The following ADGRL3 variants were observed in gnomAD, a reference collection of about 807,000 sequenced individuals.
ADGRL3 encodes calcium-independent alpha-latrotoxin receptor 3.
Under a neutral mutation model 153.5 loss-of-function variants are expected in ADGRL3, and 62 were observed. That is an observed-to-expected ratio of 0.40 (90% confidence interval 0.33 to 0.50). The LOEUF is 0.50. Ranked by LOEUF, ADGRL3 falls within the 20% of genes least tolerant of loss-of-function variation. The pLI, the probability that ADGRL3 is intolerant of heterozygous loss-of-function variation, is 0.47. For synonymous variants in ADGRL3, 710 were observed against 672.5 expected, an observed-to-expected ratio of 1.06 and a Z score of -0.86; for missense variants, 1,641 against 1,859.4, an observed-to-expected ratio of 0.88 and a Z score of 2.16.
At chr4:61,619,142 G>C (rs1422573740) in intron 5 of ADGRL3, among the ~76,000 whole-genome samples, 3 of 152,154 alleles carry the variant, frequency 2.0e-5, no homozygotes, top group Non-Finnish European at 4.4e-5. Context: ...ATTTTTAAGA[G>C]AGTAGCTGCA....
At chr4:61,429,569 A>G (rs1226565960) in intron 2 of ADGRL3, among the ~76,000 whole-genome samples, 2 of 152,140 alleles carry the variant, frequency 1.3e-5, no homozygotes, top group Non-Finnish European at 2.9e-5. Context: ...GAAAATGATT[A>G]TAGAGTTTTA....
rs186133072 is a variant in ADGRL3 at position 61,234,380 on chromosome 4, C to T, written c.-240+32615C>T. On this transcript the variant is annotated intron_variant, in intron 1 of 26. Coordinates refer to ENST00000683033, the MANE Select transcript of ADGRL3 (RefSeq NM_001387552.1). ...ATCACGAGAATAGCATAGGAAAGAC[C>T]GGCCCCCAGGATTCAATTACCACCC... Among the ~76,000 whole-genome samples the T allele has an allele frequency of 8.5e-4, 129 of 152,208 alleles. 1 individual carries two copies. The highest frequency in any genetic ancestry group is 2.5e-3 in the South Asian group (12 of 4,822).
At chr4:61,438,374 T>G (rs1251294794) in intron 2 of ADGRL3, among the ~76,000 whole-genome samples, 1 of 151,206 alleles carries the variant, frequency 6.6e-6, no homozygotes, top group Non-Finnish European at 1.5e-5. Flanking sequence ...TATTTAATAT[T>G]ATTATACTTT....
rs1185578410 is a variant in ADGRL3 at position 61,971,686 on chromosome 4, CT to C, written c.2806-7876del. ...GGGTATATACCCAGTAATGGGATGG[CT>C]GTGTCAAATGGTATTTCTAGTTCTA... On this transcript the variant is annotated intron_variant, in intron 17 of 26. Transcript: ENST00000683033. Among the ~76,000 whole-genome samples, 7 of 152,264 alleles carry C rather than the reference CT, an allele frequency of 4.6e-5. No individual in the cohort carries two copies. In the South Asian group the frequency reaches 1.5e-3, roughly 32 times the overall value.
At chr4:61,846,185 T>G (rs927492815) in intron 9 of ADGRL3, among the ~76,000 whole-genome samples, 1 of 151,844 alleles carries the variant, frequency 6.6e-6, no homozygotes, top group African/African-American at 2.4e-5. Context: ...AGTATGGAGA[T>G]GCACACTTGT....
intron 8 of ADGRL3, among the ~76,000 whole-genome samples, chr4:61,795,885 C>G (rs548327233): frequency 6.6e-6 from 1 of 152,232 alleles, no homozygotes; most frequent in Admixed American, 6.5e-5. Context: ...CTCTGTCGCC[C>G]AGGTTGGAGT....
At chr4:61,978,338 TA>T (rs11297140) in intron 17 of ADGRL3, among the ~76,000 whole-genome samples, 129,398 of 149,478 alleles carry the variant, frequency 0.87, 56,474 homozygotes, top group Non-Finnish European at 0.94. Flanking sequence ...GCTTGCTTTT[TA>T]AAAAAAAAAT....
intron 6 of ADGRL3, among the ~76,000 whole-genome samples, chr4:61,686,644 A>T (rs868689829): frequency 6.6e-6 from 1 of 152,226 alleles, no homozygotes; most frequent in Middle Eastern, 3.4e-3. Flanking sequence ...TGGTAAGAAC[A>T]TTCAAAATAC....
At chr4:61,642,020 C>T (rs1180332706) in intron 5 of ADGRL3, among the ~76,000 whole-genome samples, 2 of 150,656 alleles carry the variant, frequency 1.3e-5, no homozygotes, top group Admixed American at 6.6e-5. Flanking sequence ...TTTTGATTTG[C>T]ATTTCTCTGA....
intron 5 of ADGRL3, among the ~76,000 whole-genome samples, chr4:61,650,364 T>C (rs931428263): frequency 6.6e-6 from 1 of 152,122 alleles, no homozygotes; most frequent in Admixed American, 6.6e-5. Flanking sequence ...CTAAGTAACA[T>C]GAGAAGCAAT....
At chr4:61,479,220 C>A (rs2098103867) in intron 2 of ADGRL3, among the ~76,000 whole-genome samples, 1 of 151,930 alleles carries the variant, frequency 6.6e-6, no homozygotes, top group South Asian at 2.1e-4. Flanking sequence ...TCTAAGTTTT[C>A]CTTATATAAT....
chr4:61,971,106 A>G (rs1180021232), intron 17 of ADGRL3, among the ~76,000 whole-genome samples: 1 of 151,984 alleles, frequency 6.6e-6, no homozygotes, highest in Non-Finnish European at 1.5e-5. Context: ...AGAATACAAT[A>G]TGTTGAAGAG....
Position 61,681,528 on chromosome 4 carries a change from T to A in ADGRL3, c.583+4593T>A, listed in dbSNP as rs1235048154. Among the ~76,000 whole-genome samples, 8 of 152,102 alleles carry A rather than the reference T, an allele frequency of 5.3e-5. No homozygotes were observed. In the East Asian group the frequency reaches 1.5e-3, roughly 29 times the overall value. On this transcript the variant is annotated intron_variant, in intron 6 of 26. Transcript: ENST00000683033. The stretch of plus-strand genomic sequence containing the variant: ...TGAATGTTTGATTAAAACAACCTTG[T>A]TATAGCACTTAAGACTTTCTCACTA...
chr4:61,739,939 T>C (rs888451485), intron 8 of ADGRL3, among the ~76,000 whole-genome samples: 17 of 152,194 alleles, frequency 1.1e-4, no homozygotes, highest in African/African-American at 3.9e-4. Context: ...GTTGACAAAT[T>C]GTAGGGATTT....
rs1457277140 is a variant in ADGRL3, at chr4:61,246,815, G to A, written c.-240+45050G>A. 3.3e-5 allele frequency among the ~76,000 whole-genome samples: 5 copies of A among 151,298 alleles called. No homozygotes were observed. In the South Asian group the frequency reaches 1.0e-3, roughly 31 times the overall value. ...CTTCCCATATATACCTTCTAATAAA[G>A]TTCCTCTTCAGAAAAAGAATATATA... On this transcript the variant is annotated intron_variant, in intron 1 of 26. Transcript: ENST00000683033.
intron 2 of ADGRL3, among the ~76,000 whole-genome samples, chr4:61,406,413 A>C (rs1355231215): frequency 6.6e-6 from 1 of 151,876 alleles, no homozygotes; most frequent in African/African-American, 2.4e-5. Context: ...ATAAATTAAT[A>C]ATACATTTTA....
At chr4:61,680,314 T>C (rs1410499838) in intron 6 of ADGRL3, among the ~76,000 whole-genome samples, 1 of 126,876 alleles carries the variant, frequency 7.9e-6, no homozygotes, top group East Asian at 2.6e-4. Context: ...CCACAAACTT[T>C]AGTGCTTGTA....
At chr4:61,246,485 G>GTA (rs1757135562) in intron 1 of ADGRL3, among the ~76,000 whole-genome samples, 2 of 151,872 alleles carry the variant, frequency 1.3e-5, no homozygotes, top group South Asian at 4.2e-4. Context: ...AGTTATTTTT[G>GTA]TATACCCAAA....
At chr4:61,784,362 C>T (rs539710299) in intron 8 of ADGRL3, among the ~76,000 whole-genome samples, 28 of 152,192 alleles carry the variant, frequency 1.8e-4, no homozygotes, top group African/African-American at 6.7e-4. Context: ...AAATGTGAGA[C>T]TCTGCTTGAC....
Sources: allele counts gnomAD v4.1 joint callset (sites outside exome capture counted in the v4.1 genomes callset), GRCh38; gene constraint gnomAD v4.1.1; transcripts MANE v1.5; gene names NCBI Gene and HGNC (gene_info 2026-07-23, HGNC 2026-07-21).